The following TTC28 variants were observed in gnomAD, a reference collection of about 807,000 sequenced individuals.
TTC28 encodes the protein tetratricopeptide repeat protein 28.
TTC28 carries 61 observed loss-of-function variants against 198.0 expected under a neutral mutation model. That is an observed-to-expected ratio of 0.31 (90% CI 0.25 to 0.38). The LOEUF is 0.38. Among genes scored for constraint, TTC28 ranks in the 10% least tolerant of loss-of-function variants. The probability of loss-of-function intolerance (pLI) is 1.00; values close to 1 mark genes in which losing one functional copy is unlikely to be tolerated. For missense variants in TTC28, 2,678 were observed against 3,164.0 expected (o/e 0.85, Z 3.69); for synonymous variants, 1,171 against 1,297.8 (o/e 0.90, Z 2.10).
At chr22:28,410,882 G>T (rs1409998924) in intron 2 of TTC28, among the ~76,000 whole-genome samples, 13 of 152,014 alleles carry the variant, frequency 8.6e-5, no homozygotes, top group African/African-American at 2.9e-4. Flanking sequence ...CTAAAGAAAA[G>T]AATTCCATCT....
At chr22:28,342,566 A>G (rs891448008) in intron 2 of TTC28, among the ~76,000 whole-genome samples, 3 of 147,452 alleles carry the variant, frequency 2.0e-5, no homozygotes, top group Admixed American at 6.8e-5. Context: ...ATTTTGTTAC[A>G]TAATTCTCAT....
intron 5 of TTC28, among the ~76,000 whole-genome samples, chr22:28,239,832 T>G (rs904944809): frequency 6.6e-6 from 1 of 152,212 alleles, no homozygotes; most frequent in Non-Finnish European, 1.5e-5. Flanking sequence ...CCTAAGAATC[T>G]GTAACAGCCT....
At chr22:28,218,026 A>T (rs962828857) in intron 5 of TTC28, among the ~76,000 whole-genome samples, 3 of 152,344 alleles carry the variant, frequency 2.0e-5, no homozygotes, top group East Asian at 1.9e-4. Context: ...ATATATTTTT[A>T]AAAAACAGCC....
chr22:28,630,038 T>TA (rs1388480687), intron 1 of TTC28, among the ~76,000 whole-genome samples: 3 of 152,134 alleles, frequency 2.0e-5, no homozygotes, highest in African/African-American at 7.2e-5. Flanking sequence ...AGGGAATTCT[T>TA]ACTCTATTAT....
chr22:28,575,608 T>A (rs1186991666), intron 2 of TTC28, among the ~76,000 whole-genome samples: 1 of 152,090 alleles, frequency 6.6e-6, no homozygotes, highest in Non-Finnish European at 1.5e-5. Flanking sequence ...GTAGTATGGA[T>A]GTTTTAACAA....
chr22:28,357,560 C>T (rs2046097943), intron 2 of TTC28, among the ~76,000 whole-genome samples: 1 of 152,074 alleles, frequency 6.6e-6, no homozygotes, highest in Non-Finnish European at 1.5e-5. Context: ...ATCCTCCCAC[C>T]TTGGCCTCCC....
chr22:28,055,268 G>A (rs1940240638), intron 12 of TTC28, among the ~76,000 whole-genome samples: 1 of 152,198 alleles, frequency 6.6e-6, no homozygotes, highest in Admixed American at 6.5e-5. Flanking sequence ...TAACAACTGA[G>A]CACAGGGATA....
chr22:28,483,628 T>C (rs1202645036), intron 2 of TTC28, among the ~76,000 whole-genome samples: 1 of 152,212 alleles, frequency 6.6e-6, no homozygotes, highest in Non-Finnish European at 1.5e-5. Context: ...TGAATTTTCT[T>C]GATCACCAGT....
chr22:28,671,668 GTGGATTTTGTTTT>G lies in TTC28; in HGVS notation c.102+7941_102+7953del, dbSNP rs1403388676. On this transcript the variant is annotated intron_variant, in intron 1 of 22. Coordinates refer to ENST00000397906, the MANE Select transcript of TTC28 (RefSeq NM_001145418.2). ...AAAAAAAAAAAATTTCTTCCATTATGTGGATTTTGTTTTCATTTTTTTTTTGAGACAGAGTCTT... is the reference window on the plus strand; with the variant it reads ...AAAAAAAAAAAATTTCTTCCATTATGCATTTTTTTTTTGAGACAGAGTCTT... 7.7e-3 allele frequency among the ~76,000 whole-genome samples: 1,140 copies of G among 148,524 alleles called. 6 individuals are homozygous for G. The highest frequency in any genetic ancestry group is 0.017 in the Middle Eastern group (5 of 286).
chr22:28,202,931 T>C (rs1193737464), intron 5 of TTC28, among the ~76,000 whole-genome samples: 1 of 152,202 alleles, frequency 6.6e-6, no homozygotes, highest in Admixed American at 6.5e-5. Context: ...ATACAGTTTA[T>C]TCCTTCCTTC....
chr22:28,173,107 A>G (rs1199066555), intron 5 of TTC28, among the ~76,000 whole-genome samples: 5 of 152,228 alleles, frequency 3.3e-5, no homozygotes, highest in African/African-American at 1.2e-4. Flanking sequence ...AACATCAATC[A>G]TTATGACCAA....
At chr22:28,517,988 C>T (rs2048824753) in intron 2 of TTC28, among the ~76,000 whole-genome samples, 1 of 151,908 alleles carries the variant, frequency 6.6e-6, no homozygotes, top group African/African-American at 2.4e-5. Flanking sequence ...GTTGCCCAAG[C>T]TAGACTCAAA....
chr22:28,503,314 C>T (rs992124513), intron 2 of TTC28, among the ~76,000 whole-genome samples: 2 of 152,186 alleles, frequency 1.3e-5, no homozygotes, highest in African/African-American at 4.8e-5. Context: ...GACCACTTAC[C>T]ATACTGTAAT....
At chr22:28,340,467 A>G (rs2045811826) in intron 2 of TTC28, among the ~76,000 whole-genome samples, 1 of 151,796 alleles carries the variant, frequency 6.6e-6, no homozygotes, top group Non-Finnish European at 1.5e-5. Flanking sequence ...TTTCCTTAAA[A>G]AAAAAAAAAA....
intron 14 of TTC28, among the ~76,000 whole-genome samples, chr22:28,010,710 T>C (rs985133909): frequency 6.6e-6 from 1 of 152,174 alleles, no homozygotes; most frequent in African/African-American, 2.4e-5. Flanking sequence ...GGGGGCTCAC[T>C]AGATTCAAAG....
chr22:28,536,112 T>C (rs539618846), intron 2 of TTC28, among the ~76,000 whole-genome samples: 138 of 137,172 alleles, frequency 1.0e-3, no homozygotes, highest in Non-Finnish European at 1.7e-3. Flanking sequence ...GGCAGGAGAA[T>C]GGCGGGAACC....
intron 2 of TTC28, among the ~76,000 whole-genome samples, chr22:28,496,400 C>A (rs1053967002): frequency 6.6e-6 from 1 of 152,032 alleles, no homozygotes; most frequent in African/African-American, 2.4e-5. Context: ...GCAGTCTTTG[C>A]CATTTTAGTT....
intron 13 of TTC28, among the ~76,000 whole-genome samples, chr22:28,028,101 GAGA>G (rs1938908867): frequency 6.6e-6 from 1 of 152,222 alleles, no homozygotes. Flanking sequence ...ACATTGAAGC[GAGA>G]AGAACGCCGG....
rs758191256 is a variant in TTC28 at position 28,001,551 on chromosome 22, G to T, written c.4221C>A (p.Gly1407=). The T allele has an allele frequency of 5.2e-6, 8 of 1,548,750 alleles. No homozygotes were observed. The highest frequency in any genetic ancestry group is 7.0e-6 in the Non-Finnish European group (8 of 1,145,320). The part of the protein sequence containing the change: ...YDLLIAPMEG[G]LMHSSGPVGR... ...CCACGGGGCCGCTGGAGTGCATCAG[G>T]CCCTATGGAGCAAGCACGGAGAGGC... Residue 1407 remains glycine, a splice_region_variant and synonymous_variant, in exon 15 of 23, where the codon GGC becomes GGA. Transcript: ENST00000397906.
Sources: allele counts gnomAD v4.1 joint callset (sites outside exome capture counted in the v4.1 genomes callset), GRCh38; gene constraint gnomAD v4.1.1; transcripts MANE v1.5; gene names NCBI Gene and HGNC (gene_info 2026-07-23, HGNC 2026-07-21).